Variants in MGLL observed in about 807,000 individuals in gnomAD.
MGLL encodes monoglyceride lipase, also known as lysophospholipase homolog.
In MGLL, 7 loss-of-function variants were observed where a neutral mutation model predicts 29.1. That is an observed-to-expected ratio of 0.24 (90% CI 0.14 to 0.45). MGLL has a LOEUF of 0.45. MGLL is among the 20% of genes least tolerant of loss of function. The pLI, the probability that MGLL is intolerant of heterozygous loss-of-function variation, is 0.99. For missense variants in MGLL, 356 were observed against 413.6 expected (o/e 0.86, Z 1.21); for synonymous variants, 148 against 168.3 (o/e 0.88, Z 0.93).
intron 3 of MGLL, among the ~76,000 whole-genome samples, chr3:127,771,860 A>G (rs1277724592): frequency 6.6e-6 from 1 of 152,126 alleles, no homozygotes; most frequent in Non-Finnish European, 1.5e-5. Context: ...GGCAGCATGT[A>G]TGTGGGGAGT....
At chr3:127,813,866 G>A (rs1335330514) in intron 2 of MGLL, among the ~76,000 whole-genome samples, 2 of 152,068 alleles carry the variant, frequency 1.3e-5, no homozygotes, top group Non-Finnish European at 2.9e-5. Context: ...AGTCCCCAAG[G>A]TCAGGGACAG....
intron 6 of MGLL, among the ~76,000 whole-genome samples, chr3:127,696,366 A>G (rs200170120): frequency 7.2e-6 from 1 of 139,828 alleles, no homozygotes; most frequent in Non-Finnish European, 1.5e-5. Context: ...TCTCAGGCCC[A>G]TAGAGGGCAG....
At chr3:127,748,824 C>T (rs2076503080) in intron 3 of MGLL, among the ~76,000 whole-genome samples, 1 of 152,218 alleles carries the variant, frequency 6.6e-6, no homozygotes, top group Non-Finnish European at 1.5e-5. Context: ...TTCATTTACG[C>T]TCCAACAGCC....
chr3:127,756,863 C>T (rs1361392893), intron 3 of MGLL, among the ~76,000 whole-genome samples: 2 of 152,150 alleles, frequency 1.3e-5, no homozygotes, highest in East Asian at 3.8e-4. Context: ...TGGCTGCTAC[C>T]CTTGATGACG....
intron 2 of MGLL, among the ~76,000 whole-genome samples, chr3:127,800,148 TG>T (rs550979570): frequency 4.6e-4 from 70 of 152,304 alleles, no homozygotes; most frequent in African/African-American, 1.7e-3. Flanking sequence ...TGACCAGCTT[TG>T]GTGATTGAAC....
chr3:127,815,610 T>A (rs752666019), intron 2 of MGLL, among the ~76,000 whole-genome samples: 101 of 152,358 alleles, frequency 6.6e-4, no homozygotes, highest in Non-Finnish European at 1.1e-3. Flanking sequence ...TGGCTCATGC[T>A]TTTGTGTTTG....
At chr3:127,705,606 G>A (rs1374667875) in intron 6 of MGLL, among the ~76,000 whole-genome samples, 3 of 151,726 alleles carry the variant, frequency 2.0e-5, no homozygotes, top group Non-Finnish European at 2.9e-5. Flanking sequence ...GAGAAACCCC[G>A]TCTCTACTAA....
chr3:127,803,657 G>A (rs532074029), intron 2 of MGLL, among the ~76,000 whole-genome samples: 4 of 152,282 alleles, frequency 2.6e-5, no homozygotes, highest in South Asian at 2.1e-4. Context: ...TTACTAGCTG[G>A]TGTGATGAGC....
intron 3 of MGLL, among the ~76,000 whole-genome samples, chr3:127,779,520 G>A (rs1295972882): frequency 6.6e-6 from 1 of 150,726 alleles, no homozygotes; most frequent in African/African-American, 2.4e-5. Context: ...TCTTAGAAAA[G>A]TCTAGACAGT....
Position 127,692,426 on chromosome 3 carries a change from C to G in MGLL, c.817-103G>C. ...CAGGGGTCTGCAGCATTCTCCGGACCCTCTCCCTATGCCCGAGGACCTGGC... is the reference window on the plus strand; with the variant it reads ...CAGGGGTCTGCAGCATTCTCCGGACGCTCTCCCTATGCCCGAGGACCTGGC... On this transcript the variant is annotated intron_variant, in intron 7 of 7. Coordinates refer to ENST00000265052, the MANE Select transcript of MGLL (RefSeq NM_007283.7). 1.2e-5 allele frequency: 18 copies of G among 1,471,666 alleles called. No homozygotes were observed. The South Asian group carries it at 2.1e-4, about 17-fold the overall frequency. 91.2% of individuals were successfully genotyped at this position (1,471,666 alleles called of 1,614,324 possible).
At chr3:127,711,330 C>T (rs1463919005) in intron 5 of MGLL, 1 of 162,024 alleles carries the variant, frequency 6.2e-6, no homozygotes, top group Non-Finnish European at 1.4e-5. Context: ...TGAATAACAC[C>T]CTGTGTGCAA....
intron 6 of MGLL, among the ~76,000 whole-genome samples, chr3:127,703,557 G>A (rs113636045): frequency 1.6e-3 from 240 of 152,272 alleles, no homozygotes; most frequent in Non-Finnish European, 2.7e-3. Context: ...GTATTCAGGC[G>A]CATTCAGGAT....
chr3:127,709,311 A>C (rs772261471), intron 6 of MGLL, among the ~76,000 whole-genome samples: 2 of 152,218 alleles, frequency 1.3e-5, no homozygotes, highest in African/African-American at 2.4e-5. Flanking sequence ...TTAGAATTTT[A>C]AATTAATGTG....
chr3:127,814,737 C>T lies in MGLL; in HGVS notation c.155+6957G>A, dbSNP rs933543301. ...GAAAACTCAACTGCAAGAATAGCAG[C>T]TGGCCTTGCCTCTTGCCATCAAAAG... On this transcript the variant is annotated intron_variant, in intron 2 of 7. Transcript: ENST00000265052. Among the ~76,000 whole-genome samples, 34 of 152,230 alleles carry T rather than the reference C, an allele frequency of 2.2e-4. 1 individual carries two copies. The highest frequency in any genetic ancestry group is 3.2e-3 in the Middle Eastern group (1 of 316).
At chr3:127,699,836 G>T (rs1024740628) in intron 6 of MGLL, among the ~76,000 whole-genome samples, 2 of 152,184 alleles carry the variant, frequency 1.3e-5, no homozygotes, top group South Asian at 2.1e-4. Context: ...GGGGCCCAGG[G>T]GTTACCGCCC....
chr3:127,722,022 C>T (rs2075935710), intron 4 of MGLL, among the ~76,000 whole-genome samples: 3 of 152,348 alleles, frequency 2.0e-5, no homozygotes, highest in South Asian at 2.1e-4. Flanking sequence ...CATGTGGACC[C>T]TCTGTCCCTA....
intron 3 of MGLL, among the ~76,000 whole-genome samples, chr3:127,744,378 G>GT (rs765956092): frequency 6.6e-6 from 1 of 152,292 alleles, no homozygotes; most frequent in South Asian, 2.1e-4. Flanking sequence ...TCAGAAAGCG[G>GT]TAAGTGGCTG....
chr3:127,794,701 G>A (rs535114269), intron 2 of MGLL, among the ~76,000 whole-genome samples: 2 of 152,278 alleles, frequency 1.3e-5, no homozygotes, highest in African/African-American at 4.8e-5. Context: ...TTTCTTCTAT[G>A]ATGTAAGACT....
chr3:127,729,756 C>G (rs1365665860), intron 3 of MGLL, among the ~76,000 whole-genome samples: 1 of 152,184 alleles, frequency 6.6e-6, no homozygotes. Context: ...ATTCATGAGC[C>G]AGCCCCCATA....
Sources: allele counts gnomAD v4.1 joint callset (sites outside exome capture counted in the v4.1 genomes callset), GRCh38; gene constraint gnomAD v4.1.1; transcripts MANE v1.5; gene names NCBI Gene and HGNC (gene_info 2026-07-23, HGNC 2026-07-21).